The following RAB11FIP3 variants were observed in gnomAD, a reference collection of about 807,000 sequenced individuals.
The protein encoded by RAB11FIP3 is RAB11 family interacting protein 3.
RAB11FIP3 carries 17 observed loss-of-function variants against 77.8 expected under a neutral mutation model. The ratio of observed to expected loss-of-function variants is 0.22; its 90% CI spans 0.15 to 0.33. The LOEUF (loss-of-function observed/expected upper bound fraction) is 0.33. Among genes scored for constraint, RAB11FIP3 ranks in the 10% least tolerant of loss-of-function variants. The pLI is 1.00. For synonymous variants in RAB11FIP3, 437 were observed against 448.2 expected (o/e 0.98, Z 0.31); for missense variants, 1,005 against 1,011.2 (o/e 0.99, Z 0.08).
intron 1 of RAB11FIP3, among the ~76,000 whole-genome samples, chr16:428,189 C>T (rs1474596716): frequency 6.6e-6 from 1 of 152,034 alleles, no homozygotes; most frequent in African/African-American, 2.4e-5. Flanking sequence ...GATGTGCAGA[C>T]AGGTGCGTGC....
rs1596280206 is a variant in RAB11FIP3, at chr16:497,157, T to C, written c.1301+298T>C. The C allele has an allele frequency of 6.6e-6, 5 of 756,160 alleles. No individual in the cohort carries two copies. The East Asian group carries it at 2.9e-4, about 43-fold the overall frequency. The allele number at this position is 756,160 out of a possible 1,614,324, so 46.8% of individuals were successfully genotyped here. ...CCGCCATCCCCAGATGTCTGCTCTATGTTAGCTCTGAGGTAGCGAGACCCA... is the reference window on the plus strand; with the variant it reads ...CCGCCATCCCCAGATGTCTGCTCTACGTTAGCTCTGAGGTAGCGAGACCCA... On this transcript the variant is annotated intron_variant, in intron 6 of 13. Transcript: ENST00000262305.
intron 1 of RAB11FIP3, among the ~76,000 whole-genome samples, chr16:445,487 A>G (rs1322806649): frequency 6.6e-6 from 1 of 152,202 alleles, no homozygotes; most frequent in Non-Finnish European, 1.5e-5. Flanking sequence ...GTACTATGCC[A>G]ATATGGGAGC....
At position 472,485 on chromosome 16, in the gene RAB11FIP3, G is replaced by A. The variant is rs1263685943; in HGVS notation, c.903+1096G>A. Among the ~76,000 whole-genome samples the A allele has an allele frequency of 6.6e-6, 1 of 152,210 alleles. No individual in the cohort carries two copies. The highest frequency in any genetic ancestry group is 2.4e-5 in the African/African-American group (1 of 41,448). On this transcript the variant is annotated intron_variant, in intron 3 of 13. Transcript: ENST00000262305. The surrounding 1 kb of genome is among the most constrained non-coding windows in gnomAD (Gnocchi z 4.1). The stretch of plus-strand genomic sequence containing the variant: ...TTGGACCCTCTCGCATGGCTGCAGT[G>A]TGCAGAACGTGCTGGGAGACCCCAG...
chr16:514,476 A>T lies in RAB11FIP3; in HGVS notation c.1640+3676A>T, dbSNP rs1025837210. 6.6e-6 allele frequency among the ~76,000 whole-genome samples: 1 copy of T among 152,180 alleles called. No homozygotes were observed. Among genetic ancestry groups the T allele is most frequent in the South Asian group, 2.1e-4 (1 of 4,828 alleles). ...GCTATGCAGTTGCAGTGCCTAGAAA[A>T]CAGCTGGATTTCAGGAGTGGAGCCT... is the stretch of plus-strand genomic sequence containing the variant. On this transcript the variant is annotated intron_variant, in intron 9 of 13. Transcript: ENST00000262305. The surrounding 1 kb of genome is among the most constrained non-coding windows in gnomAD (Gnocchi z 4.6).
chr16:471,368 C>A lies in RAB11FIP3; in HGVS notation c.882C>A (p.Phe294Leu), dbSNP rs200950452. 5.6e-6 allele frequency: 9 copies of A among 1,613,010 alleles called. No individual in the cohort carries two copies. The highest frequency in any genetic ancestry group is 2.2e-5 in the South Asian group (2 of 90,882). ...AGCCCCTGGCCTGCCCGGACGAGTTCGATGACTTCGTCACCTATGAGGCAA... is the reference window on the plus strand; with the variant it reads ...AGCCCCTGGCCTGCCCGGACGAGTTAGATGACTTCGTCACCTATGAGGCAA... Reference protein sequence around the residue: ...DEEPLACPDEFDDFVTYEANE... With the variant: ...DEEPLACPDELDDFVTYEANE... Residue 294 changes from phenylalanine to leucine, a missense_variant, in exon 3 of 14, where the codon TTC becomes TTA. Phe to Leu is a conservative substitution (Grantham distance 22, BLOSUM62 0). Transcript: ENST00000262305. This position sits in a 1 kb window ranked among gnomAD's most constrained non-coding sequence, Gnocchi z 4.4.
intron 4 of RAB11FIP3, among the ~76,000 whole-genome samples, chr16:486,142 G>C (rs895140851): frequency 1.3e-5 from 2 of 152,182 alleles, no homozygotes; most frequent in Non-Finnish European, 2.9e-5. Context: ...AGCCTCAAGT[G>C]ATCTGCCCTC....
chr16:500,410 C>T (rs369352108), intron 6 of RAB11FIP3, among the ~76,000 whole-genome samples: 1 of 152,048 alleles, frequency 6.6e-6, no homozygotes, highest in Non-Finnish European at 1.5e-5. Flanking sequence ...CAGCCGGACG[C>T]GGTGGTTCAC....
chr16:483,657 C>G (rs189951703), intron 4 of RAB11FIP3, among the ~76,000 whole-genome samples: 1 of 152,116 alleles, frequency 6.6e-6, no homozygotes, highest in African/African-American at 2.4e-5. Context: ...TAGAGAATCT[C>G]CTCCCTTCCC....
chr16:451,854 AAAC>A (rs920092663), intron 1 of RAB11FIP3, among the ~76,000 whole-genome samples: 1 of 151,326 alleles, frequency 6.6e-6, no homozygotes, highest in Non-Finnish European at 1.5e-5. Context: ...CAAAGGAAAA[AAAC>A]AAACAAAAAG....
intron 5 of RAB11FIP3, among the ~76,000 whole-genome samples, chr16:492,237 G>GTC (rs2030288054): frequency 6.6e-6 from 1 of 152,198 alleles, no homozygotes; most frequent in Admixed American, 6.5e-5. Context: ...GAAGCACAGG[G>GTC]CCCCCAGCCA....
rs947082300 is a variant in RAB11FIP3, at chr16:450,201, ACT to A, written c.715-11200_715-11199del. The stretch of plus-strand genomic sequence containing the variant: ...TTTCTCTTTCTTGAGACAGGGTCTC[ACT>A]CTGTCGCCCAGGCTGGAGTGCAGTG... On this transcript the variant is annotated intron_variant, in intron 1 of 13. Coordinates refer to ENST00000262305, the MANE Select transcript of RAB11FIP3 (RefSeq NM_014700.4). Among the ~76,000 whole-genome samples the A allele has an allele frequency of 3.3e-5, 5 of 151,614 alleles. No individual in the cohort carries two copies. In the South Asian group the frequency reaches 1.0e-3, roughly 32 times the overall value.
chr16:509,664 T>C (rs948690473), intron 8 of RAB11FIP3, among the ~76,000 whole-genome samples: 27 of 152,186 alleles, frequency 1.8e-4, no homozygotes, highest in Admixed American at 5.9e-4. Flanking sequence ...AGCTGACACC[T>C]GCCCTGCCTC....
intron 6 of RAB11FIP3, chr16:497,508 G>A (rs763355973): frequency 2.0e-5 from 23 of 1,175,122 alleles, no homozygotes; most frequent in South Asian, 3.2e-5. Flanking sequence ...TTCGTGGCCC[G>A]GCATCTGGCA....
chr16:458,625 C>T (rs896077747), intron 1 of RAB11FIP3, among the ~76,000 whole-genome samples: 1 of 55,052 alleles, frequency 1.8e-5, no homozygotes, highest in African/African-American at 5.7e-5. Flanking sequence ...TGCTCATCTG[C>T]CGTAACCTGC....
chr16:491,326 AC>A, intron 5 of RAB11FIP3: 4 of 1,278,020 alleles, frequency 3.1e-6, no homozygotes, highest in Non-Finnish European at 4.1e-6. Context: ...GACTCCGGAT[AC>A]CCACAGCCCC....
chr16:477,017 T>C (rs373878817), intron 3 of RAB11FIP3, among the ~76,000 whole-genome samples: 8 of 146,712 alleles, frequency 5.5e-5, no homozygotes, highest in African/African-American at 7.6e-5. Flanking sequence ...ACCTGGGAGG[T>C]AGAGGCTGCA....
At chr16:476,907 G>C (rs1203428421) in intron 3 of RAB11FIP3, among the ~76,000 whole-genome samples, 5 of 152,028 alleles carry the variant, frequency 3.3e-5, no homozygotes, top group Non-Finnish European at 1.5e-5. Flanking sequence ...TGACCAACAC[G>C]GTGAAACCCT....
At chr16:512,950 G>A (rs1249425825) in intron 9 of RAB11FIP3, among the ~76,000 whole-genome samples, 1 of 151,846 alleles carries the variant, frequency 6.6e-6, no homozygotes, top group East Asian at 2.0e-4. Context: ...CCAAAGCGCT[G>A]GGATTACCAG....
chr16:516,456 G>A (rs1390453457), intron 9 of RAB11FIP3, among the ~76,000 whole-genome samples: 1 of 152,230 alleles, frequency 6.6e-6, no homozygotes, highest in Non-Finnish European at 1.5e-5. Flanking sequence ...AGGGACATGG[G>A]CCAGCTGAAG....
Sources: gnomAD v4.1 joint callset for allele counts (sites outside exome capture counted in the v4.1 genomes callset) on GRCh38, gnomAD v4.1.1 for gene constraint, Gnocchi (gnomAD v3.1) non-coding constraint, MANE v1.5 for transcripts, NCBI Gene and HGNC (gene_info 2026-07-23, HGNC 2026-07-21) for gene names.